Variants in SRPRB observed in about 807,000 individuals in gnomAD.
The protein encoded by SRPRB is signal recognition particle receptor subunit beta.
Under a neutral mutation model 31.9 loss-of-function variants are expected in SRPRB, and 20 were observed. The ratio of observed to expected loss-of-function variants is 0.63; its 90% CI spans 0.44 to 0.91. The LOEUF (loss-of-function observed/expected upper bound fraction) is 0.91. SRPRB is among the 40% of genes least tolerant of loss of function. SRPRB has a pLI of 0.00. For missense variants in SRPRB, 321 were observed against 324.9 expected, an observed-to-expected ratio of 0.99 and a Z score of 0.09; for synonymous variants, 146 against 132.8, an observed-to-expected ratio of 1.10 and a Z score of -0.68.
intron 2 of SRPRB, 40 bp downstream of exon 2, chr3:133,806,743 A>G: frequency 4.1e-6 from 6 of 1,470,368 alleles, no homozygotes; most frequent in Non-Finnish European, 4.8e-6. Context: ...GCTTAATAGA[A>G]AATTTTATAG....
In SRPRB at chr3:133,819,778, A is replaced by G. The variant is rs1313017504; in HGVS notation, c.*12A>G. The G allele has an allele frequency of 9.9e-6, 16 of 1,612,386 alleles. No homozygotes were observed. Among genetic ancestry groups the G allele is most frequent in the African/African-American group, 1.3e-5 (1 of 74,906 alleles). ...CTAAAATTGCCTGAGAGGCAGCTCT[A>G]AAGCACAAGACCTGGATGTGTGACA... On this transcript the variant is annotated 3_prime_UTR_variant, in exon 7 of 7. Coordinates refer to ENST00000678299, the MANE Select transcript of SRPRB (RefSeq NM_001379313.1).
downstream of SRPRB, chr3:133,821,515 A>T (rs6439442): frequency 6.6e-6 from 1 of 151,972 alleles, no homozygotes; most frequent in Non-Finnish European, 1.5e-5. Context: ...AGCCTCTTTT[A>T]TTTTTTTCTG....
chr3:133,804,261 T>G (rs1935110857), upstream of SRPRB, among the ~76,000 whole-genome samples: 1 of 152,018 alleles, frequency 6.6e-6, no homozygotes, highest in Non-Finnish European at 1.5e-5. Context: ...CCTCCCCCAG[T>G]TCCTCTCTTT....
rs773182875 is a variant in SRPRB, at chr3:133,805,837, C to T, written c.-12C>T. Reference sequence around the variant, plus strand: ...GTCGCTTTTGCTGTACCGGGGACCACGCGTCTCATCCATGGCTTCCGCGGA... The same window carrying T: ...GTCGCTTTTGCTGTACCGGGGACCATGCGTCTCATCCATGGCTTCCGCGGA... On this transcript the variant is annotated 5_prime_UTR_variant, in exon 1 of 7. The change creates a new upstream start codon in the 5' untranslated region. Transcript: ENST00000678299. The T allele has an allele frequency of 3.1e-6, 5 of 1,602,336 alleles. No homozygotes were observed. The highest frequency in any genetic ancestry group is 3.4e-6 in the Non-Finnish European group (4 of 1,174,484).
intron 1 of SRPRB, chr3:133,794,897 A>G (rs1934928425): frequency 6.6e-6 from 1 of 152,222 alleles, no homozygotes; most frequent in African/African-American, 2.4e-5. Flanking sequence ...GTTGTGTACA[A>G]TTATGGGTTA....
At chr3:133,799,973 G>A (rs114022930) in intron 1 of SRPRB, among the ~76,000 whole-genome samples, 4,634 of 152,242 alleles carry the variant, frequency 0.03, 248 homozygotes, top group African/African-American at 0.11. Flanking sequence ...ATGACAGCAC[G>A]CTTTCAGTAA....
At chr3:133,813,176 T>C (rs1935305542) in intron 4 of SRPRB, among the ~76,000 whole-genome samples, 1 of 152,208 alleles carries the variant, frequency 6.6e-6, no homozygotes, top group African/African-American at 2.4e-5. Context: ...TTTGACCTTC[T>C]ATCCAGGGAT....
At chr3:133,811,291 C>A in intron 4 of SRPRB, 92 bp downstream of exon 4, 1 of 1,348,982 alleles carries the variant, frequency 7.4e-7, no homozygotes, top group Non-Finnish European at 1.0e-6. Flanking sequence ...GTTTGGGAGG[C>A]AGCATGGTAT....
downstream of SRPRB, among the ~76,000 whole-genome samples, chr3:133,822,688 T>A (rs913473018): frequency 6.6e-6 from 1 of 152,218 alleles, no homozygotes; most frequent in African/African-American, 2.4e-5. Flanking sequence ...AGCCAGTCTA[T>A]GTTTTTTCTT....
chr3:133,809,368 T>C (rs1559890955), intron 3 of SRPRB, among the ~76,000 whole-genome samples: 1 of 152,178 alleles, frequency 6.6e-6, no homozygotes, highest in African/African-American at 2.4e-5. Context: ...TGAATTAGAA[T>C]TGTGGTTTGA....
rs541978800 is a variant in SRPRB at position 133,813,138 on chromosome 3, G to A, written c.410+1939G>A. On this transcript the variant is annotated intron_variant, in intron 4 of 6. Transcript: ENST00000678299. ...AATGTTTTTGCCAGTCAGTCTAATT[G>A]TCATTTCACTGTAGTAAGTCTGCCT... is the stretch of plus-strand genomic sequence containing the variant. 2.0e-5 allele frequency among the ~76,000 whole-genome samples: 3 copies of A among 152,292 alleles called. No individual in the cohort carries two copies. In the South Asian group the frequency reaches 6.2e-4, roughly 32 times the overall value.
intron 3 of SRPRB, chr3:133,810,182 T>TA (rs1322132248): frequency 6.6e-6 from 1 of 152,068 alleles, no homozygotes; most frequent in Non-Finnish European, 1.5e-5. Context: ...GAGGGACTAA[T>TA]AAAAAACATA....
At chr3:133,825,149 G>A (rs1358258945), downstream of SRPRB, 3 of 152,218 alleles carry the variant, frequency 2.0e-5, no homozygotes, top group Non-Finnish European at 4.4e-5. Flanking sequence ...ATGCCTCACT[G>A]TCCTCGGCTA....
At position 133,815,660 on chromosome 3, in the gene SRPRB, CA is replaced by C; in HGVS notation, c.483del (p.Val162SerfsTer8). On this transcript the variant is annotated frameshift_variant, in exon 5 of 7. Transcript: ENST00000678299. LOFTEE classifies it high-confidence loss of function. ...EVKDVAEFLY[Q>X]VLIDSMGLKN... ...GAAAGATGTGGCTGAGTTTCTGTAT[CA>C]AGTCCTCATTGACAGTATGGGTCTG... The C allele has an allele frequency of 6.2e-7, 1 of 1,613,986 alleles. No homozygotes were observed. The highest frequency in any genetic ancestry group is 8.5e-7 in the Non-Finnish European group (1 of 1,180,006).
At chr3:133,815,435 TTTATG>T (rs1176499469) in intron 4 of SRPRB, among the ~76,000 whole-genome samples, 150 bp from the exon 5 acceptor site, 3 of 152,182 alleles carry the variant, frequency 2.0e-5, no homozygotes, top group Admixed American at 1.3e-4. Flanking sequence ...TAAATGAGGA[TTTATG>T]TTATATGATA....
Position 133,798,960 on chromosome 3 carries a change from CAT to C in SRPRB, c.-173-6714_-173-6713del, listed in dbSNP as rs1302319749. ...CTAGAGACAGTTACTAGATAACACA[CAT>C]AGAGCCAACACACATCTAAAATTTG... On this transcript the variant is annotated intron_variant, in intron 1 of 7. Transcript: ENST00000466490. Among the ~76,000 whole-genome samples the C allele has an allele frequency of 7.9e-5, 12 of 151,956 alleles. No homozygotes were observed. The East Asian group carries it at 2.1e-3, about 27-fold the overall frequency.
Position 133,819,918 on chromosome 3 carries a change from A to ATT in SRPRB, c.*171_*172dup, listed in dbSNP as rs75496501. The ATT allele has an allele frequency of 4.7e-4, 253 of 542,532 alleles. No homozygotes were observed. The highest frequency in any genetic ancestry group is 1.0e-3 in the African/African-American group (49 of 48,980). 33.6% of individuals were successfully genotyped at this position (542,532 alleles called of 1,614,324 possible). A position where few individuals can be genotyped will look rare whatever the true frequency, so the allele number is the denominator to read the frequency against. ...AAAGTACTGTTGAAACCAGCTTGGAATTTTTTTTTTTTTTTTTTTTAAGTT... is the reference window on the plus strand; with the variant it reads ...AAAGTACTGTTGAAACCAGCTTGGAATTTTTTTTTTTTTTTTTTTTTTAAGTT... On this transcript the variant is annotated 3_prime_UTR_variant, in exon 7 of 7. Coordinates refer to ENST00000678299, the MANE Select transcript of SRPRB (RefSeq NM_001379313.1).
Position 133,816,918 on chromosome 3 carries a change from G to T in SRPRB, c.588G>T (p.Gln196His), listed in dbSNP as rs1935375745. 6.2e-7 allele frequency: 1 copy of T among 1,611,016 alleles called. No individual in the cohort carries two copies. Among genetic ancestry groups the T allele is most frequent in the Admixed American group, 1.7e-5 (1 of 59,618 alleles). Reference protein sequence around the residue: ...MAKSAKLIQQQLEKELNTLRV... With the variant: ...MAKSAKLIQQHLEKELNTLRV... ...AATCAGCAAAGTTAATTCAACAGCA[G>T]CTGGAGAAAGAACTGTAAGTGTGAA... Residue 196 changes from glutamine to histidine, a missense_variant, in exon 6 of 7, where the codon CAG becomes CAT. Transcript: ENST00000678299.
At chr3:133,786,347 C>T (rs1559883754) in intron 1 of SRPRB, 1 of 151,072 alleles carries the variant, frequency 6.6e-6, no homozygotes, top group Non-Finnish European at 1.5e-5. Context: ...TGTTAAAATT[C>T]ATATGTAATG....
Sources: allele counts gnomAD v4.1 joint callset (sites outside exome capture counted in the v4.1 genomes callset), GRCh38; gene constraint gnomAD v4.1.1; transcripts MANE v1.5; gene names NCBI Gene and HGNC (gene_info 2026-07-23, HGNC 2026-07-21).